The following AGBL4 variants were observed in gnomAD, a reference collection of about 807,000 sequenced individuals.
The protein encoded by AGBL4 is AGBL carboxypeptidase 4.
In AGBL4, 58 loss-of-function variants were observed where a neutral mutation model predicts 66.4. The observed-to-expected ratio is 0.87, with a 90% confidence interval of 0.71 to 1.09. The LOEUF (loss-of-function observed/expected upper bound fraction) is 1.09. Among genes scored for constraint, AGBL4 ranks in the 50% least tolerant of loss-of-function variants. AGBL4 has a pLI of 0.00. For synonymous variants in AGBL4, 234 were observed against 222.9 expected, an observed-to-expected ratio of 1.05 and a Z score of -0.44; for missense variants, 579 against 631.0, an observed-to-expected ratio of 0.92 and a Z score of 0.88.
chr1:49,277,634 T>C (rs1053291918), intron 3 of AGBL4, among the ~76,000 whole-genome samples: 3 of 152,180 alleles, frequency 2.0e-5, no homozygotes, highest in African/African-American at 7.2e-5. Flanking sequence ...TAGGTTTTTT[T>C]CAGCTCCAAA....
chr1:49,126,233 G>A (rs905883274), intron 4 of AGBL4, among the ~76,000 whole-genome samples: 6 of 152,116 alleles, frequency 3.9e-5, no homozygotes, highest in African/African-American at 1.2e-4. Flanking sequence ...TCAGTTTACC[G>A]TTCCAAGCAG....
chr1:49,722,701 T>C (rs1005582320), intron 2 of AGBL4, among the ~76,000 whole-genome samples: 4 of 152,162 alleles, frequency 2.6e-5, no homozygotes, highest in Non-Finnish European at 5.9e-5. Flanking sequence ...AAGATCTGAT[T>C]TAGCTCTATG....
chr1:49,277,637 G>C (rs1644194663), intron 3 of AGBL4, among the ~76,000 whole-genome samples: 1 of 149,346 alleles, frequency 6.7e-6, no homozygotes, highest in South Asian at 2.1e-4. Flanking sequence ...GTTTTTTTCA[G>C]CTCCAAAAAA....
At chr1:48,669,440 T>C (rs1028772735) in intron 6 of AGBL4, among the ~76,000 whole-genome samples, 2 of 152,068 alleles carry the variant, frequency 1.3e-5, no homozygotes, top group Admixed American at 6.5e-5. Flanking sequence ...CTCTATCCTC[T>C]ACATGCCAGT....
chr1:48,714,270 T>C (rs1217506658), intron 6 of AGBL4, among the ~76,000 whole-genome samples: 3 of 152,098 alleles, frequency 2.0e-5, no homozygotes, highest in Non-Finnish European at 4.4e-5. Flanking sequence ...GGCCAAGGAT[T>C]CCTATCAGAA....
chr1:49,877,024 G>A (rs1055908706), intron 1 of AGBL4, among the ~76,000 whole-genome samples: 1 of 151,858 alleles, frequency 6.6e-6, no homozygotes, highest in Non-Finnish European at 1.5e-5. Context: ...CTGAGACTTT[G>A]CTGAAGTTGA....
At chr1:49,370,266 C>T (rs1406554074) in intron 3 of AGBL4, among the ~76,000 whole-genome samples, 2 of 151,224 alleles carry the variant, frequency 1.3e-5, no homozygotes, top group African/African-American at 4.9e-5. Context: ...AACTGGCTCA[C>T]GTTATAGTGG....
chr1:49,337,392 C>T (rs971658020), intron 3 of AGBL4, among the ~76,000 whole-genome samples: 3 of 152,174 alleles, frequency 2.0e-5, no homozygotes, highest in African/African-American at 7.2e-5. Context: ...AAACAGGATT[C>T]TCCCTGCCAG....
At chr1:49,751,811 G>T (rs572123869) in intron 2 of AGBL4, among the ~76,000 whole-genome samples, 2 of 152,102 alleles carry the variant, frequency 1.3e-5, no homozygotes, top group South Asian at 4.1e-4. Context: ...CTTAGGTGAT[G>T]TATGTGTCCA....
At chr1:49,677,899 G>C (rs2124549384) in intron 3 of AGBL4, among the ~76,000 whole-genome samples, 1 of 152,206 alleles carries the variant, frequency 6.6e-6, no homozygotes, top group South Asian at 2.1e-4. Context: ...AACTATGCTG[G>C]CACCCTGATC....
At chr1:48,708,737 A>C (rs1646918139) in intron 6 of AGBL4, among the ~76,000 whole-genome samples, 1 of 152,184 alleles carries the variant, frequency 6.6e-6, no homozygotes. Flanking sequence ...AAAATACGAT[A>C]GCCTCTGAGA....
chr1:49,709,206 C>G (rs1034012720), intron 2 of AGBL4, among the ~76,000 whole-genome samples: 1 of 152,240 alleles, frequency 6.6e-6, no homozygotes, highest in Non-Finnish European at 1.5e-5. Context: ...GGAGTTTTAT[C>G]TATAAGCCCC....
At chr1:49,252,684 A>G (rs1010542587) in intron 3 of AGBL4, among the ~76,000 whole-genome samples, 2 of 152,190 alleles carry the variant, frequency 1.3e-5, no homozygotes, top group African/African-American at 4.8e-5. Context: ...CTACAAATGG[A>G]AGCCCATAAG....
intron 2 of AGBL4, among the ~76,000 whole-genome samples, chr1:49,739,183 G>A (rs532607770): frequency 4.6e-4 from 70 of 152,224 alleles, no homozygotes; most frequent in African/African-American, 1.7e-3. Context: ...TGGCTAACTA[G>A]AATAAGCAAT....
At chr1:49,049,532 G>C (rs1303883143) in intron 4 of AGBL4, among the ~76,000 whole-genome samples, 1 of 151,858 alleles carries the variant, frequency 6.6e-6, no homozygotes, top group Non-Finnish European at 1.5e-5. Context: ...TTTACCTCTA[G>C]TCATGGCATA....
chr1:49,168,687 C>T (rs746088899), intron 4 of AGBL4, among the ~76,000 whole-genome samples: 1 of 152,152 alleles, frequency 6.6e-6, no homozygotes, highest in Admixed American at 6.6e-5. Flanking sequence ...CCACCTGCAC[C>T]AAGGACTTCC....
chr1:49,418,999 C>A (rs1239179820), intron 3 of AGBL4, among the ~76,000 whole-genome samples: 1 of 151,964 alleles, frequency 6.6e-6, no homozygotes, highest in Non-Finnish European at 1.5e-5. Context: ...ATTAAACTAG[C>A]CCAGGTGAGA....
At chr1:49,651,963 G>GA (rs1308023121) in intron 3 of AGBL4, among the ~76,000 whole-genome samples, 2 of 151,658 alleles carry the variant, frequency 1.3e-5, no homozygotes, top group East Asian at 3.9e-4. Flanking sequence ...AAAGAAACTA[G>GA]AAAAAAACAA....
At chr1:49,168,076 A>G (rs1010101004) in intron 4 of AGBL4, among the ~76,000 whole-genome samples, 1 of 152,186 alleles carries the variant, frequency 6.6e-6, no homozygotes, top group Non-Finnish European at 1.5e-5. Flanking sequence ...ATGCTATCCC[A>G]TTTTATATAA....
Sources: allele counts gnomAD v4.1 joint callset (sites outside exome capture counted in the v4.1 genomes callset), GRCh38; gene constraint gnomAD v4.1.1; transcripts MANE v1.5; gene names NCBI Gene and HGNC (gene_info 2026-07-23, HGNC 2026-07-21).